Variants in TBC1D30 observed in about 807,000 individuals in gnomAD.
TBC1D30 encodes the protein TBC1 domain family member 30.
A neutral mutation model predicts 63.2 loss-of-function variants in TBC1D30; 31 were observed. The ratio of observed to expected loss-of-function variants is 0.49; its 90% CI spans 0.37 to 0.66. The LOEUF (loss-of-function observed/expected upper bound fraction) is 0.66, where lower values mean the gene tolerates loss of function less well. TBC1D30 is among the 30% of genes least tolerant of loss of function. The pLI is 0.00. For synonymous variants in TBC1D30, 307 were observed against 361.5 expected (o/e 0.85, Z 1.71); for missense variants, 810 against 953.6 (o/e 0.85, Z 1.98).
At chr12:64,761,875 A>T (rs472721) in intron 1 of TBC1D30, among the ~76,000 whole-genome samples, 8 of 152,042 alleles carry the variant, frequency 5.3e-5, no homozygotes, top group Non-Finnish European at 1.2e-4. Context: ...CCCTTTCTTG[A>T]TGTCTGGATC....
rs1455938811 is a variant in TBC1D30, at chr12:64,824,722, C to T, written c.-158C>T. The T allele has an allele frequency of 1.3e-5, 14 of 1,055,222 alleles. No individual in the cohort carries two copies. Among genetic ancestry groups the T allele is most frequent in the Non-Finnish European group, 1.6e-5 (12 of 765,022 alleles). 65.4% of individuals were successfully genotyped at this position (1,055,222 alleles called of 1,614,324 possible). A position where few individuals can be genotyped will look rare whatever the true frequency, so the allele number is the denominator to read the frequency against. On this transcript the variant is annotated 5_prime_UTR_variant, in exon 1 of 12. Coordinates refer to ENST00000539867, the MANE Select transcript of TBC1D30 (RefSeq NM_015279.2). ...CGGCTCCCGCGGTGCCCCGTAAGTC[C>T]CCGTGACCCTCCAGCACCAGCCGGC...
intron 8 of TBC1D30, among the ~76,000 whole-genome samples, chr12:64,850,949 C>T (rs1196527759): frequency 6.6e-6 from 1 of 152,150 alleles, no homozygotes; most frequent in Non-Finnish European, 1.5e-5. Context: ...AATTTCAGAA[C>T]TTGTTATTGG....
chr12:64,828,193 A>G (rs1367933723), intron 2 of TBC1D30, among the ~76,000 whole-genome samples: 1 of 152,180 alleles, frequency 6.6e-6, no homozygotes, highest in Non-Finnish European at 1.5e-5. Context: ...TGGCTTATTA[A>G]CCAGAGCTTC....
At chr12:64,789,223 C>T (rs544315615) in intron 2 of TBC1D30, among the ~76,000 whole-genome samples, 47 of 148,056 alleles carry the variant, frequency 3.2e-4, no homozygotes, top group African/African-American at 1.0e-3. Context: ...CACTCTGTCG[C>T]CCAGGCCCAG....
At chr12:64,819,074 A>G (rs978880466) in intron 2 of TBC1D30, among the ~76,000 whole-genome samples, 8 of 152,172 alleles carry the variant, frequency 5.3e-5, no homozygotes, top group African/African-American at 1.9e-4. Context: ...TGACATTCTG[A>G]GTGTGATTTG....
At chr12:64,860,393 C>T (rs369619332) in intron 8 of TBC1D30, among the ~76,000 whole-genome samples, 4 of 152,054 alleles carry the variant, frequency 2.6e-5, no homozygotes, top group Admixed American at 6.6e-5. Flanking sequence ...GGGCCTCAGG[C>T]GAGGCCTGCC....
At chr12:64,788,602 G>A (rs916117206) in intron 2 of TBC1D30, among the ~76,000 whole-genome samples, 1 of 152,128 alleles carries the variant, frequency 6.6e-6, no homozygotes, top group Admixed American at 6.5e-5. Flanking sequence ...TATAAGGACT[G>A]GCATTTATGT....
At position 64,879,917 on chromosome 12, in the gene TBC1D30, A is replaced by T. The variant is rs759378369; in HGVS notation, c.*4129A>T. On this transcript the variant is annotated 3_prime_UTR_variant, in exon 12 of 12. Transcript: ENST00000539867. ...ACCAGATATTTTAGAGTTGGAAGTTATGCAGTAAAAGCTTTATGTGCAAAT... is the reference window on the plus strand; with the variant it reads ...ACCAGATATTTTAGAGTTGGAAGTTTTGCAGTAAAAGCTTTATGTGCAAAT... 23 of 152,368 alleles carry T rather than the reference A, an allele frequency of 1.5e-4. No individual in the cohort carries two copies. Among genetic ancestry groups the T allele is most frequent in the Admixed American group, 1.3e-4 (2 of 15,308 alleles). 9.4% of individuals were successfully genotyped at this position (152,368 alleles called of 1,614,324 possible). A position where few individuals can be genotyped will look rare whatever the true frequency, so the allele number is the denominator to read the frequency against.
intron 2 of TBC1D30, among the ~76,000 whole-genome samples, chr12:64,795,208 C>T (rs914719175): frequency 1.2e-4 from 19 of 152,142 alleles, no homozygotes; most frequent in African/African-American, 4.6e-4. Context: ...AGTCTTTCAT[C>T]TGGGCTGGTC....
chr12:64,794,829 T>TACTGAG (rs1185723789), intron 2 of TBC1D30, among the ~76,000 whole-genome samples: 1 of 152,232 alleles, frequency 6.6e-6, no homozygotes, highest in Non-Finnish European at 1.5e-5. Flanking sequence ...CCAGTCCTGT[T>TACTGAG]ATTGAGAAAT....
chr12:64,852,655 T>C (rs1243481006), intron 8 of TBC1D30, among the ~76,000 whole-genome samples: 1 of 152,168 alleles, frequency 6.6e-6, no homozygotes, highest in Non-Finnish European at 1.5e-5. Flanking sequence ...GTCAGTGACC[T>C]TCGGATGGGG....
upstream of TBC1D30, among the ~76,000 whole-genome samples, chr12:64,780,472 C>G (rs182173850): frequency 3.9e-5 from 6 of 152,384 alleles, no homozygotes; most frequent in East Asian, 1.2e-3. Flanking sequence ...GCGCCCTCCC[C>G]CTCCGTGCTG....
intron 8 of TBC1D30, among the ~76,000 whole-genome samples, chr12:64,861,500 A>C (rs758263282): frequency 1.3e-5 from 2 of 152,154 alleles, no homozygotes; most frequent in Non-Finnish European, 2.9e-5. Context: ...AGATGAAAGC[A>C]TTCTCCCCTT....
At chr12:64,760,318 C>T (rs1870452779) in intron 1 of TBC1D30, among the ~76,000 whole-genome samples, 3 of 152,188 alleles carry the variant, frequency 2.0e-5, no homozygotes, top group Admixed American at 2.0e-4. Context: ...GCTTGTAATC[C>T]CAGCACTTTG....
At chr12:64,853,623 G>A (rs943640738) in intron 8 of TBC1D30, among the ~76,000 whole-genome samples, 1 of 152,194 alleles carries the variant, frequency 6.6e-6, no homozygotes, top group Non-Finnish European at 1.5e-5. Flanking sequence ...TGGTGGTGTA[G>A]GCACCCGAGG....
At chr12:64,776,071 G>A (rs148870916), upstream of TBC1D30, among the ~76,000 whole-genome samples, 12 of 152,270 alleles carry the variant, frequency 7.9e-5, no homozygotes, top group South Asian at 1.9e-3. Flanking sequence ...GAAGCTCTTC[G>A]AAACTAATGA....
At chr12:64,867,620 AAGTTCCTT>A (rs1163627687) in intron 10 of TBC1D30, among the ~76,000 whole-genome samples, 1 of 152,126 alleles carries the variant, frequency 6.6e-6, no homozygotes, top group Non-Finnish European at 1.5e-5. Context: ...TTTGTATGCT[AAGTTCCTT>A]AGCACAGACC....
At chr12:64,863,004 A>G (rs956901748) in intron 8 of TBC1D30, among the ~76,000 whole-genome samples, 5 of 152,214 alleles carry the variant, frequency 3.3e-5, no homozygotes, top group African/African-American at 9.6e-5. Flanking sequence ...GAGCTAAGAC[A>G]TGATAGTAAG....
rs549871803 is a variant in TBC1D30, at chr12:64,876,759, T to C, written c.*971T>C. 4 of 456,034 alleles carry C rather than the reference T, an allele frequency of 8.8e-6. No individual in the cohort carries two copies. The East Asian group carries it at 2.8e-4, about 32-fold the overall frequency. The allele number at this position is 456,034 out of a possible 1,614,324, so 28.2% of individuals were successfully genotyped here. On this transcript the variant is annotated 3_prime_UTR_variant, in exon 12 of 12. Coordinates refer to ENST00000539867, the MANE Select transcript of TBC1D30 (RefSeq NM_015279.2). ...GATTGGAGTCCTTTGTTGAGTACTT[T>C]GTTAATTGAACACTGCCTTTCTCTG...
Sources: allele counts gnomAD v4.1 joint callset (sites outside exome capture counted in the v4.1 genomes callset), GRCh38; gene constraint gnomAD v4.1.1; transcripts MANE v1.5; gene names NCBI Gene and HGNC (gene_info 2026-07-23, HGNC 2026-07-21).